Variants in CDA observed in about 807,000 individuals in gnomAD.
The protein encoded by CDA is cytidine aminohydrolase.
In CDA, 7 loss-of-function variants were observed where a neutral mutation model predicts 15.0. The ratio of observed to expected loss-of-function variants is 0.47; its 90% confidence interval spans 0.26 to 0.87. The LOEUF (loss-of-function observed/expected upper bound fraction) is 0.87, where lower values mean the gene tolerates loss of function less well. CDA is among the 40% of genes least tolerant of loss of function. The pLI is 0.15. For missense variants in CDA, 159 were observed against 182.7 expected, an observed-to-expected ratio of 0.87 and a Z score of 0.75; for synonymous variants, 58 against 73.0, an observed-to-expected ratio of 0.79 and a Z score of 1.05.
chr1:20,603,748 T>C (rs2052668292), intron 1 of CDA, among the ~76,000 whole-genome samples: 1 of 152,240 alleles, frequency 6.6e-6, no homozygotes, highest in Non-Finnish European at 1.5e-5. Flanking sequence ...GTGATACAGA[T>C]GGAATACCAC....
At chr1:20,616,538 G>A (rs12075735) in intron 3 of CDA, among the ~76,000 whole-genome samples, 34,118 of 151,944 alleles carry the variant, frequency 0.22, 4,159 homozygotes, top group African/African-American at 0.31. Context: ...TGCCCTGCAC[G>A]GTGGAAATGT....
At chr1:20,592,905 C>G (rs2052560858) in intron 1 of CDA, among the ~76,000 whole-genome samples, 3 of 152,116 alleles carry the variant, frequency 2.0e-5, no homozygotes, top group Admixed American at 2.0e-4. Flanking sequence ...CCAGCCTGGA[C>G]AACATGGCAA....
At chr1:20,599,671 A>AATAAAATAAAG (rs2052624400) in intron 1 of CDA, among the ~76,000 whole-genome samples, 5 of 149,078 alleles carry the variant, frequency 3.4e-5, no homozygotes, top group African/African-American at 1.3e-4. Context: ...ATAAAATAAA[A>AATAAAATAAAG]ATAAAGGATT....
rs535361416 is a variant in CDA, at chr1:20,592,852, G to T, written c.154+3569G>T. On this transcript the variant is annotated intron_variant, in intron 1 of 3. Coordinates refer to ENST00000375071, the MANE Select transcript of CDA (RefSeq NM_001785.3). Reference sequence around the variant, plus strand: ...TCATGCCAGTAATCCCAGTGCTTTGGGAGGATGAGGCTGGAGGATCCCTTG... The same window carrying T: ...TCATGCCAGTAATCCCAGTGCTTTGTGAGGATGAGGCTGGAGGATCCCTTG... Among the ~76,000 whole-genome samples, 134 of 152,328 alleles carry T rather than the reference G, an allele frequency of 8.8e-4. 1 individual carries two copies. The highest frequency in any genetic ancestry group is 3.1e-3 in the African/African-American group (128 of 41,582).
chr1:20,612,665 A>C (rs1409543197), intron 2 of CDA, among the ~76,000 whole-genome samples: 2 of 152,130 alleles, frequency 1.3e-5, no homozygotes, highest in African/African-American at 4.8e-5. Context: ...TTACTCACAC[A>C]AAGCCTGTTG....
In CDA at chr1:20,603,998, T is replaced by G. The variant is rs187342988; in HGVS notation, c.155-930T>G. On this transcript the variant is annotated intron_variant, in intron 1 of 3. Coordinates refer to ENST00000375071, the MANE Select transcript of CDA (RefSeq NM_001785.3). Reference sequence around the variant, plus strand: ...CTGGAGGCCCGAGGATTGTTTTAAGTCTTGTGAAATCACAGGCAACTCGCA... The same window carrying G: ...CTGGAGGCCCGAGGATTGTTTTAAGGCTTGTGAAATCACAGGCAACTCGCA... Among the ~76,000 whole-genome samples the G allele has an allele frequency of 7.9e-5, 12 of 152,320 alleles. No individual in the cohort carries two copies. The East Asian group carries it at 2.3e-3, about 29-fold the overall frequency.
intron 1 of CDA, among the ~76,000 whole-genome samples, chr1:20,601,268 A>G (rs1006245246): frequency 2.6e-5 from 4 of 152,210 alleles, no homozygotes; most frequent in African/African-American, 9.6e-5. Flanking sequence ...CAAGAGAGAA[A>G]CTGAAGTTCC....
chr1:20,618,047 C>A (rs2052833364), intron 3 of CDA, among the ~76,000 whole-genome samples: 1 of 151,796 alleles, frequency 6.6e-6, no homozygotes, highest in Admixed American at 6.6e-5. Flanking sequence ...TCTTTATTAG[C>A]AGCTTGAGAA....
At chr1:20,602,124 G>C (rs1407635342) in intron 1 of CDA, among the ~76,000 whole-genome samples, 1 of 124,726 alleles carries the variant, frequency 8.0e-6, no homozygotes, top group Non-Finnish European at 1.6e-5. Flanking sequence ...CTGTCAAAAA[G>C]AAAGGAGAGG....
intron 1 of CDA, among the ~76,000 whole-genome samples, chr1:20,595,545 C>T (rs1031251953): frequency 6.6e-6 from 1 of 152,170 alleles, no homozygotes; most frequent in East Asian, 1.9e-4. Context: ...CAGCTTACAG[C>T]CCAGCTCCCA....
intron 1 of CDA, 133 bp from the exon 2 acceptor site, chr1:20,604,795 C>T (rs1382198096): frequency 2.8e-6 from 2 of 708,060 alleles, no homozygotes; most frequent in Admixed American, 2.0e-5. Context: ...GCCCTAATTG[C>T]CCTGTCCTTC....
intron 3 of CDA, among the ~76,000 whole-genome samples, chr1:20,615,176 A>T (rs925077737): frequency 6.6e-6 from 1 of 152,114 alleles, no homozygotes; most frequent in Non-Finnish European, 1.5e-5. Context: ...GTACACTTAA[A>T]CATGGTTAAA....
intron 2 of CDA, among the ~76,000 whole-genome samples, chr1:20,609,564 A>T (rs1002374589): frequency 6.6e-6 from 1 of 152,036 alleles, no homozygotes; most frequent in Admixed American, 6.5e-5. Context: ...CCATGAAAGG[A>T]AGGCTGAATT....
intron 2 of CDA, among the ~76,000 whole-genome samples, chr1:20,605,641 C>A (rs2052689257): frequency 8.6e-6 from 1 of 115,810 alleles, no homozygotes; most frequent in Non-Finnish European, 1.9e-5. Flanking sequence ...GCCTGGGCGA[C>A]AGAGCAAGAC....
chr1:20,618,257 T>C (rs2052835976), intron 3 of CDA, among the ~76,000 whole-genome samples, 195 bp from the exon 4 acceptor site: 1 of 150,000 alleles, frequency 6.7e-6, no homozygotes, highest in Admixed American at 6.7e-5. Flanking sequence ...CTGTTCAGTT[T>C]CACAGCATTC....
intron 3 of CDA, among the ~76,000 whole-genome samples, chr1:20,616,702 A>G (rs12404655): frequency 0.19 from 28,194 of 151,884 alleles, 2,943 homozygotes; most frequent in Middle Eastern, 0.24. Context: ...GCAGGGGGGA[A>G]ACTGAAACCA....
chr1:20,595,457 A>G (rs1051739592), intron 1 of CDA, among the ~76,000 whole-genome samples: 2 of 152,008 alleles, frequency 1.3e-5, no homozygotes, highest in Non-Finnish European at 2.9e-5. Context: ...TCAGCAGCTG[A>G]TGGACCCCAG....
chr1:20,592,847 C>G (rs2052560415), intron 1 of CDA, among the ~76,000 whole-genome samples: 1 of 152,168 alleles, frequency 6.6e-6, no homozygotes. Context: ...AATCCCAGTG[C>G]TTTGGGAGGA....
chr1:20,599,294 G>A (rs2052617830), intron 1 of CDA, among the ~76,000 whole-genome samples: 1 of 152,130 alleles, frequency 6.6e-6, no homozygotes, highest in Non-Finnish European at 1.5e-5. Flanking sequence ...TATGACCTTG[G>A]CACCAGATCA....
Sources: allele counts gnomAD v4.1 joint callset (sites outside exome capture counted in the v4.1 genomes callset), GRCh38; gene constraint gnomAD v4.1.1; transcripts MANE v1.5; gene names NCBI Gene and HGNC (gene_info 2026-07-23, HGNC 2026-07-21).